Variants in NRXN2 observed in about 807,000 individuals in gnomAD.
NRXN2 encodes the protein neurexin 2.
Under a neutral mutation model 128.8 loss-of-function variants are expected in NRXN2, and 29 were observed. The observed-to-expected ratio is 0.23, with a 90% CI of 0.17 to 0.31. The LOEUF (loss-of-function observed/expected upper bound fraction) is 0.31. Among genes scored for constraint, NRXN2 ranks in the 10% least tolerant of loss-of-function variants. The pLI, the probability that NRXN2 is intolerant of heterozygous loss-of-function variation, is 1.00. For missense variants in NRXN2, 1,881 were observed against 2,452.6 expected, an observed-to-expected ratio of 0.77 and a Z score of 4.92; for synonymous variants, 1,098 against 1,075.2, an observed-to-expected ratio of 1.02 and a Z score of -0.41.
At position 64,713,627 on chromosome 11, in the gene NRXN2, G is replaced by A; in HGVS notation, c.73C>T (p.Arg25Cys). Reference protein sequence around the residue: ...LLLLLLALAARADGLEFGGGP... With the variant: ...LLLLLLALAACADGLEFGGGP... Reference sequence around the variant, plus strand: ...CCGCCGAACTCCAGGCCGTCCGCGCGCGCCGCCAGCGCCAGCAGCAGCAGC... The same window carrying A: ...CCGCCGAACTCCAGGCCGTCCGCGCACGCCGCCAGCGCCAGCAGCAGCAGC... The change falls in exon 2 of 23, where the codon CGC (arginine) becomes TGC (cysteine). Residue 25 changes from arginine (R) to cysteine (C), a missense_variant. Arg to Cys is a radical substitution (Grantham distance 180). Coordinates refer to ENST00000265459, the MANE Select transcript of NRXN2 (RefSeq NM_015080.4). The A allele has an allele frequency of 8.0e-7, 1 of 1,251,570 alleles. No individual in the cohort carries two copies. Among genetic ancestry groups the A allele is most frequent in the South Asian group, 2.8e-5 (1 of 36,316 alleles). The allele number at this position is 1,251,570 out of a possible 1,614,324, so 77.5% of individuals were successfully genotyped here.
At chr11:64,669,905 G>C (rs142857575) in intron 7 of NRXN2, among the ~76,000 whole-genome samples, 134 of 152,226 alleles carry the variant, frequency 8.8e-4, no homozygotes, top group Non-Finnish European at 1.5e-3. Flanking sequence ...TTCTCTTTCG[G>C]GAACAGTCTA....
rs769546626 is a variant in NRXN2 at position 64,651,204 on chromosome 11, C to T, written c.2918+51G>A. On this transcript the variant is annotated intron_variant, in intron 14 of 22. Coordinates refer to ENST00000265459, the MANE Select transcript of NRXN2 (RefSeq NM_015080.4). This position sits in a 1 kb window ranked among gnomAD's most constrained non-coding sequence, Gnocchi z 5.9. The stretch of plus-strand genomic sequence containing the variant: ...GCCAGGAGAGCTGTATGTGGTTCAG[C>T]AGGGGGAGGGGGCCACCTCCTTGAC... The T allele has an allele frequency of 6.2e-7, 1 of 1,611,014 alleles. No homozygotes were observed. Among genetic ancestry groups the T allele is most frequent in the African/African-American group, 1.3e-5 (1 of 74,866 alleles).
intron 9 of NRXN2, chr11:64,661,342 A>G (rs900587872): frequency 6.9e-7 from 1 of 1,457,876 alleles, no homozygotes; most frequent in Non-Finnish European, 9.0e-7. Flanking sequence ...CCAGGCTCAG[A>G]GGCTTCTGTG....
At chr11:64,640,674 G>A (rs548654500) in intron 17 of NRXN2, among the ~76,000 whole-genome samples, 1 of 152,274 alleles carries the variant, frequency 6.6e-6, no homozygotes, top group East Asian at 1.9e-4. Context: ...GAGATAAGAT[G>A]AGGCAAACTG....
intron 9 of NRXN2, among the ~76,000 whole-genome samples, chr11:64,662,370 G>A (rs2049155845): frequency 6.6e-6 from 1 of 152,214 alleles, no homozygotes; most frequent in East Asian, 1.9e-4. Context: ...GATCTGGTAG[G>A]AGTTCCATAG....
At chr11:64,678,811 A>T (rs1472843984) in intron 6 of NRXN2, among the ~76,000 whole-genome samples, 1 of 152,082 alleles carries the variant, frequency 6.6e-6, no homozygotes, top group Non-Finnish European at 1.5e-5. Flanking sequence ...TGTGAGAAGG[A>T]GAGGTATTCT....
chr11:64,706,108 GTA>G (rs10552802), intron 2 of NRXN2, among the ~76,000 whole-genome samples: 1,480 of 2,462 alleles, frequency 0.6, 294 homozygotes, highest in East Asian at 0.67. Context: ...TATATATAAA[GTA>G]TATATATATA....
Position 64,651,537 on chromosome 11 carries a change from A to C in NRXN2, c.2636T>G (p.Ile879Ser). ...GAACACGAGCCCACTCAGATGCCCG[A>C]TGAAGTTGGAGGGCACCACGGAGAT... ...RFISVVPSNF[I>S]GHLSGLVFNG... Residue 879 changes from isoleucine to serine, a missense_variant, in exon 14 of 23, where the codon ATC (isoleucine) becomes AGC (serine). Around this residue, in one of 7 missense-constraint regions of NRXN2, gnomAD observed 390 missense variants for 599.6 expected, o/e 0.65. Transcript: ENST00000265459. The surrounding 1 kb of genome is among the most constrained non-coding windows in gnomAD (Gnocchi z 5.9). The C allele has an allele frequency of 2.5e-6, 4 of 1,614,088 alleles. No individual in the cohort carries two copies. The highest frequency in any genetic ancestry group is 3.4e-6 in the Non-Finnish European group (4 of 1,179,998).
chr11:64,650,427 C>T, intron 15 of NRXN2, 21 bp downstream of exon 15: 2 of 1,613,692 alleles, frequency 1.2e-6, no homozygotes, highest in East Asian at 2.2e-5. Context: ...GCCAGGCCTT[C>T]TCCAGAGGCC....
chr11:64,666,905 T>C (rs1338006353), intron 9 of NRXN2, among the ~76,000 whole-genome samples: 1 of 152,100 alleles, frequency 6.6e-6, no homozygotes, highest in African/African-American at 2.4e-5. Context: ...CTACTCTATG[T>C]TGGCCACTGT....
intron 22 of NRXN2, among the ~76,000 whole-genome samples, chr11:64,611,940 T>C (rs1173528707): frequency 7.8e-6 from 1 of 128,518 alleles, no homozygotes; most frequent in Non-Finnish European, 1.6e-5. Flanking sequence ...TGCCCCCTTC[T>C]CATGGTAGCC....
At chr11:64,620,987 G>A (rs897559997) in intron 21 of NRXN2, among the ~76,000 whole-genome samples, 1 of 151,998 alleles carries the variant, frequency 6.6e-6, no homozygotes, top group Admixed American at 6.5e-5. Context: ...GTGTAAGGAG[G>A]AGGGGGGCGC....
chr11:64,698,919 G>A (rs1293709991), intron 2 of NRXN2, among the ~76,000 whole-genome samples: 1 of 152,196 alleles, frequency 6.6e-6, no homozygotes, highest in East Asian at 1.9e-4. Context: ...GCAGGAGGGG[G>A]AAAACAGCAC....
intron 22 of NRXN2, among the ~76,000 whole-genome samples, chr11:64,616,507 A>G (rs1215051089): frequency 6.6e-6 from 1 of 152,092 alleles, no homozygotes; most frequent in Non-Finnish European, 1.5e-5. Flanking sequence ...TGTGTGTTAC[A>G]CAGGTGGATC....
chr11:64,657,226 G>A (rs1355770209), intron 11 of NRXN2, among the ~76,000 whole-genome samples: 2 of 152,250 alleles, frequency 1.3e-5, no homozygotes, highest in Non-Finnish European at 2.9e-5. Flanking sequence ...AAGCAATGGG[G>A]GACAGGAATG....
intron 7 of NRXN2, chr11:64,675,133 C>G (rs1295001911): frequency 6.6e-6 from 1 of 152,228 alleles, no homozygotes; most frequent in Non-Finnish European, 1.5e-5. Context: ...TTCCAATTGG[C>G]CAGCTCCTGA....
intron 11 of NRXN2, among the ~76,000 whole-genome samples, chr11:64,658,138 G>C (rs1048759994): frequency 1.3e-5 from 2 of 152,182 alleles, no homozygotes; most frequent in Non-Finnish European, 2.9e-5. Context: ...GCCTAGGACA[G>C]TCCAAATAAG....
At chr11:64,686,207 G>A (rs2053026410) in intron 5 of NRXN2, among the ~76,000 whole-genome samples, 1 of 152,192 alleles carries the variant, frequency 6.6e-6, no homozygotes, top group African/African-American at 2.4e-5. Flanking sequence ...CACACTGACA[G>A]CTGACAATTA....
chr11:64,658,961 T>G (rs1006130582), intron 11 of NRXN2, among the ~76,000 whole-genome samples: 2 of 152,160 alleles, frequency 1.3e-5, no homozygotes, highest in African/African-American at 4.8e-5. Context: ...GAGGCAGAGG[T>G]TGCAGTGAGC....
Sources: allele counts gnomAD v4.1 joint callset (sites outside exome capture counted in the v4.1 genomes callset), GRCh38; gene constraint gnomAD v4.1.1; regional missense constraint gnomAD v4.1.1; non-coding constraint Gnocchi (gnomAD v3.1); transcripts MANE v1.5; gene names NCBI Gene and HGNC (gene_info 2026-07-23, HGNC 2026-07-21).